The following NIN variants were observed in gnomAD, a reference collection of about 807,000 sequenced individuals.
NIN encodes ninein.
In NIN, 137 loss-of-function variants were observed where a neutral mutation model predicts 257.6. That is an observed-to-expected ratio of 0.53 (90% CI 0.46 to 0.61). The LOEUF (loss-of-function observed/expected upper bound fraction) is 0.61, where lower values mean the gene tolerates loss of function less well. Ranked by LOEUF, NIN falls within the 20% of genes least tolerant of loss-of-function variation. NIN has a pLI of 0.00. For synonymous variants in NIN, 918 were observed against 919.8 expected (o/e 1.00, Z 0.04); for missense variants, 2,439 against 2,501.2 (o/e 0.98, Z 0.53).
In NIN at chr14:50,723,577, C is replaced by G. The variant is rs750768376; in HGVS notation, c.6288G>C (p.Gln2096His). ...GGTAATTTTTCTTCTCTGCTGTTTT[C>G]TGTCGCTGTTCAGTCACTTCCAGAG... ...LKALEVTEQRQKTAEKKNYLL... is the reference protein window; with the variant it reads ...LKALEVTEQRHKTAEKKNYLL... The change falls in exon 31 of 31, where the codon CAG (glutamine) becomes CAC (histidine). Residue 2096 changes from glutamine to histidine, a missense_variant. Around this residue, in one of 3 missense-constraint regions of NIN, gnomAD observed 2,043 missense variants for 2,050.2 expected, o/e 1.00. Transcript: ENST00000530997. The G allele has an allele frequency of 2.5e-6, 4 of 1,613,916 alleles. No homozygotes were observed. The highest frequency in any genetic ancestry group is 1.7e-4 in the Middle Eastern group (1 of 6,060).
rs1485748901 is a variant in NIN at position 50,757,291 on chromosome 14, T to C, written c.3739A>G (p.Lys1247Glu). The change falls in exon 18 of 31, where the codon AAA becomes GAA. Residue 1247 changes from lysine to glutamate, a missense_variant. By Grantham distance (56) the Lys-to-Glu change is moderately conservative. Around this residue, in one of 3 missense-constraint regions of NIN, gnomAD observed 2,043 missense variants for 2,050.2 expected, o/e 1.00. Coordinates refer to ENST00000530997, the MANE Select transcript of NIN (RefSeq NM_020921.4). ...ACATCTTCATACAACAGCTTATATT[T>C]GGGAGAAGCCTCAGGGATTCTCTCA... Reference protein sequence around the residue: ...MLERIPEASPKYKLLYEDVSR... With the variant: ...MLERIPEASPEYKLLYEDVSR... 1 of 1,614,174 alleles carries C rather than the reference T, an allele frequency of 6.2e-7. No homozygotes were observed. The highest frequency in any genetic ancestry group is 1.3e-5 in the African/African-American group (1 of 75,042).
At chr14:50,803,893 CTTTTTTCTTCTTTTTTTTTTT>C (rs1293616180) in intron 4 of NIN, among the ~76,000 whole-genome samples, 11 of 124,384 alleles carry the variant, frequency 8.8e-5, no homozygotes, top group Non-Finnish European at 1.6e-4. Flanking sequence ...TTTTTTTTTT[CTTTTTTCTTCTTTTTTTTTTT>C]GAGATGGAGT....
intron 2 of NIN, chr14:50,823,274 C>T (rs773207936): frequency 3.5e-6 from 2 of 575,588 alleles, no homozygotes; most frequent in South Asian, 1.4e-5. Flanking sequence ...CCAAACACGA[C>T]ATACACCCTT....
At chr14:50,810,140 A>G (rs978914663) in intron 3 of NIN, among the ~76,000 whole-genome samples, 59 of 151,682 alleles carry the variant, frequency 3.9e-4, no homozygotes, top group African/African-American at 1.4e-3. Context: ...CTGAGGCAGG[A>G]GAATGGCATG....
At chr14:50,738,868 C>T (rs1313151968) in intron 26 of NIN, among the ~76,000 whole-genome samples, 1 of 152,178 alleles carries the variant, frequency 6.6e-6, no homozygotes, top group East Asian at 1.9e-4. Flanking sequence ...GTAAGGAATT[C>T]AAGCACCAAG....
chr14:50,809,499 G>C (rs956794209), intron 3 of NIN, among the ~76,000 whole-genome samples: 1 of 152,180 alleles, frequency 6.6e-6, no homozygotes, highest in Non-Finnish European at 1.5e-5. Context: ...GTTACAAGTT[G>C]AACATGAAGA....
At chr14:50,772,259 C>A in intron 9 of NIN, 42 bp downstream of exon 9, 2 of 1,525,754 alleles carry the variant, frequency 1.3e-6, no homozygotes, top group South Asian at 1.2e-5. Context: ...AATTTTCAAC[C>A]CTTCTCCAGT....
chr14:50,814,877 T>C (rs1178112071), intron 3 of NIN, among the ~76,000 whole-genome samples: 1 of 152,138 alleles, frequency 6.6e-6, no homozygotes, highest in African/African-American at 2.4e-5. Flanking sequence ...TTACACATTA[T>C]ACAAAAATTA....
chr14:50,735,016 C>A (rs2040907924), intron 28 of NIN, among the ~76,000 whole-genome samples: 1 of 152,058 alleles, frequency 6.6e-6, no homozygotes, highest in African/African-American at 2.4e-5. Context: ...ATCAGATGTA[C>A]CTCTCACAAG....
chr14:50,811,664 C>G (rs2044620641), intron 3 of NIN, among the ~76,000 whole-genome samples: 1 of 146,304 alleles, frequency 6.8e-6, no homozygotes, highest in East Asian at 2.0e-4. Context: ...CTTTGTGAGG[C>G]CAAAGCGGGC....
At chr14:50,810,804 G>A (rs1282903929) in intron 3 of NIN, among the ~76,000 whole-genome samples, 1 of 151,976 alleles carries the variant, frequency 6.6e-6, no homozygotes, top group Non-Finnish European at 1.5e-5. Flanking sequence ...GGGACTACAG[G>A]CGCCCACCAC....
At chr14:50,827,842 C>A (rs771273349) in intron 2 of NIN, among the ~76,000 whole-genome samples, 1 of 151,188 alleles carries the variant, frequency 6.6e-6, no homozygotes, top group African/African-American at 2.4e-5. Context: ...ATCCTATCAG[C>A]GTTTATTCGA....
chr14:50,815,199 A>C (rs1026451761), intron 3 of NIN, among the ~76,000 whole-genome samples: 29 of 152,350 alleles, frequency 1.9e-4, no homozygotes, highest in Admixed American at 7.8e-4. Flanking sequence ...TTACAAGAAA[A>C]AAACAAACAA....
In NIN at chr14:50,721,885, A is replaced by C. The variant is rs2040276962; in HGVS notation, c.*1578T>G. On this transcript the variant is annotated 3_prime_UTR_variant, in exon 31 of 31. Transcript: ENST00000530997. ...CCCCAAGAAACCCTGAAGTTCCCTG[A>C]TGGAAATTATTTTGTTGAGATTGAG... 4.5e-6 allele frequency: 1 copy of C among 224,308 alleles called. No individual in the cohort carries two copies. The highest frequency in any genetic ancestry group is 1.8e-4 in the South Asian group (1 of 5,432). 13.9% of individuals were successfully genotyped at this position (224,308 alleles called of 1,614,324 possible). A position where few individuals can be genotyped will look rare whatever the true frequency, so the allele number is the denominator to read the frequency against.
At position 50,758,492 on chromosome 14, in the gene NIN, G is replaced by T; in HGVS notation, c.2538C>A (p.Asp846Glu). 6.2e-7 allele frequency: 1 copy of T among 1,614,190 alleles called. No homozygotes were observed. Among genetic ancestry groups the T allele is most frequent in the East Asian group, 2.2e-5 (1 of 44,856 alleles). ...LEGRYRQELK[D>E]LQEQQREEKS... ...TCTCCTCACGCTGCTGTTCCTGGAG[G>T]TCCTTCAGCTCTTGGCGGTAGCGCC... Residue 846 changes from aspartate to glutamate, a missense_variant, in exon 18 of 31, where the codon GAC becomes GAA. Around this residue, in one of 3 missense-constraint regions of NIN, gnomAD observed 2,043 missense variants for 2,050.2 expected, o/e 1.00. Transcript: ENST00000530997.
chr14:50,729,700 C>A lies in NIN; in HGVS notation c.5901G>T (p.Ala1967=), dbSNP rs138371339. 1 of 1,608,578 alleles carries A rather than the reference C, an allele frequency of 6.2e-7. No individual in the cohort carries two copies. Among genetic ancestry groups the A allele is most frequent in the Non-Finnish European group, 8.5e-7 (1 of 1,177,308 alleles). ...AAGCATGAGGGGACGGGCTAGGCGTCGCAGTGGACCTCAGGTGCTGCATCT... is the reference window on the plus strand; with the variant it reads ...AAGCATGAGGGGACGGGCTAGGCGTAGCAGTGGACCTCAGGTGCTGCATCT... ...LMEMQHLRST[A]TPSPSPHAWD... Residue 1967 remains alanine (A), a synonymous_variant, in exon 29 of 31, where the codon GCG becomes GCT. Transcript: ENST00000530997.
At chr14:50,744,497 CT>C (rs1369847315) in intron 22 of NIN, 132 bp from the exon 23 acceptor site, 5 of 875,574 alleles carry the variant, frequency 5.7e-6, no homozygotes, top group Non-Finnish European at 8.7e-6. Flanking sequence ...GACATAAACT[CT>C]AGCAGAGACT....
Position 50,723,353 on chromosome 14 carries a change from A to C in NIN, c.*110T>G. ...ACTAATTATGATAAATGGAAACTCCAGTTGTGTTGCTGGCAGTTTTAGGTT... is the reference window on the plus strand; with the variant it reads ...ACTAATTATGATAAATGGAAACTCCCGTTGTGTTGCTGGCAGTTTTAGGTT... On this transcript the variant is annotated 3_prime_UTR_variant, in exon 31 of 31. Transcript: ENST00000530997. 1 of 818,518 alleles carries C rather than the reference A, an allele frequency of 1.2e-6. No homozygotes were observed. The highest frequency in any genetic ancestry group is 1.9e-6 in the Non-Finnish European group (1 of 517,090). 50.7% of individuals were successfully genotyped at this position (818,518 alleles called of 1,614,324 possible). A position where few individuals can be genotyped will look rare whatever the true frequency, so the allele number is the denominator to read the frequency against.
intron 29 of NIN, chr14:50,727,631 G>T (rs545464132): frequency 2.1e-5 from 31 of 1,443,774 alleles, no homozygotes; most frequent in African/African-American, 2.8e-5. Context: ...TGTGTGCATG[G>T]GTGGGTGTGT....
Sources: gnomAD v4.1 joint callset for allele counts (sites outside exome capture counted in the v4.1 genomes callset) on GRCh38, gnomAD v4.1.1 for gene constraint, gnomAD v4.1.1 regional missense constraint, MANE v1.5 for transcripts, NCBI Gene and HGNC (gene_info 2026-07-23, HGNC 2026-07-21) for gene names.